FZD6: variants seen among roughly 807,000 people sequenced by gnomAD.
FZD6 encodes the protein frizzled-6.
Under a neutral mutation model 61.4 loss-of-function variants are expected in FZD6, and 49 were observed. That is an observed-to-expected ratio of 0.80 (90% CI 0.63 to 1.01). FZD6 has a LOEUF of 1.01. FZD6 is among the 50% of genes least tolerant of loss of function. The probability of loss-of-function intolerance (pLI) is 0.00; values close to 1 mark genes in which losing one functional copy is unlikely to be tolerated. For synonymous variants in FZD6, 265 were observed against 292.2 expected (o/e 0.91, Z 0.95); for missense variants, 724 against 848.2 (o/e 0.85, Z 1.82).
intron 6 of FZD6, among the ~76,000 whole-genome samples, chr8:103,330,932 C>CT (rs1439071372): frequency 6.6e-6 from 1 of 152,210 alleles, no homozygotes; most frequent in Non-Finnish European, 1.5e-5. Context: ...AATCCCAGCA[C>CT]TTTGGGAGGC....
At chr8:103,316,202 C>T (rs930748950) in intron 2 of FZD6, among the ~76,000 whole-genome samples, 11 of 152,032 alleles carry the variant, frequency 7.2e-5, no homozygotes, top group Non-Finnish European at 1.5e-4. Context: ...GTTGTATTTT[C>T]ATTTGTTTTT....
intron 4 of FZD6, among the ~76,000 whole-genome samples, chr8:103,327,208 G>T (rs982517394): frequency 7.9e-5 from 12 of 152,162 alleles, no homozygotes; most frequent in African/African-American, 2.9e-4. Flanking sequence ...AACATTATTT[G>T]CAAATGACAA....
intron 3 of FZD6, 111 bp downstream of exon 3, chr8:103,318,897 A>G: frequency 1.3e-6 from 1 of 743,330 alleles, no homozygotes; most frequent in Non-Finnish European, 2.4e-6. Flanking sequence ...TGTTTATTAC[A>G]CACTTAATAT....
rs1382236044 is a variant in FZD6, at chr8:103,300,269, C to T, written c.162C>T (p.Ala54=). ...TGGGTCATTATGACCAGAGTATTGC[C>T]GCGGTGGAAATGGAGGTGAGTAGTG... ...NLMGHYDQSI[A]AVEMEHFLPL... The change falls in exon 2 of 7, where the codon GCC becomes GCT. Residue 54 remains alanine (A), a synonymous_variant. Transcript: ENST00000358755. The T allele has an allele frequency of 3.1e-6, 5 of 1,610,056 alleles. No homozygotes were observed. Among genetic ancestry groups the T allele is most frequent in the Non-Finnish European group, 1.7e-6 (2 of 1,176,512 alleles).
Position 103,331,509 on chromosome 8 carries a change from A to T in FZD6, c.2121A>T (p.Ter707CysextTer46), listed in dbSNP as rs771707817. 4.4e-6 allele frequency: 7 copies of T among 1,604,260 alleles called. No individual in the cohort carries two copies. In the South Asian group the frequency reaches 7.7e-5, roughly 18 times the overall value. Residue 707 changes from the stop codon to cysteine, a stop_lost, in exon 7 of 7, where the codon TGA (stop) becomes TGT (cysteine). Coordinates refer to ENST00000358755, the MANE Select transcript of FZD6 (RefSeq NM_003506.4). ...GAGGTGGTTGTCATTCAGATACTTG[A>T]AGAACATTTTCTCTCGTTACTCAGA... ...EQGGGCHSDT[*>C]
chr8:103,327,412 T>C (rs1369037116), intron 4 of FZD6, among the ~76,000 whole-genome samples: 2 of 152,080 alleles, frequency 1.3e-5, no homozygotes, highest in African/African-American at 4.8e-5. Context: ...CTGGGCAACA[T>C]GGTAAAACCC....
Position 103,328,407 on chromosome 8 carries a change from G to A in FZD6, c.1532G>A (p.Arg511His), listed in dbSNP as rs767273753. ...TGGGCTGGGTTTTTTAAACGAAATC[G>A]CAAGAGAGAGTAAGAAACTATTGAA... ...TEWAGFFKRN[R>H]KRDPISESRR... is the part of the protein sequence containing the mutation. The change falls in exon 5 of 7, where the codon CGC becomes CAC. Residue 511 changes from arginine to histidine, a missense_variant. Transcript: ENST00000358755. 6.8e-6 allele frequency: 11 copies of A among 1,610,136 alleles called. No individual in the cohort carries two copies. The highest frequency in any genetic ancestry group is 2.2e-5 in the East Asian group (1 of 44,812).
chr8:103,314,611 A>G (rs1376224157), intron 2 of FZD6, among the ~76,000 whole-genome samples: 1 of 152,252 alleles, frequency 6.6e-6, no homozygotes, highest in East Asian at 1.9e-4. Context: ...GTCTCTGCTC[A>G]GTCACTTGCC....
At chr8:103,313,669 T>C (rs1403217653) in intron 2 of FZD6, among the ~76,000 whole-genome samples, 1 of 152,192 alleles carries the variant, frequency 6.6e-6, no homozygotes, top group African/African-American at 2.4e-5. Context: ...CTCAAGTCCC[T>C]TCCAAGTCTA....
chr8:103,299,253 G>A (rs1387388040), intron 1 of FZD6, among the ~76,000 whole-genome samples: 1 of 152,276 alleles, frequency 6.6e-6, no homozygotes, highest in Non-Finnish European at 1.5e-5. Flanking sequence ...CAGGTTCCCG[G>A]GTGTGGGGCG....
rs1469541628 is a variant in FZD6 at position 103,325,014 on chromosome 8, T to C, written c.908T>C (p.Leu303Pro). Residue 303 changes from leucine to proline, a missense_variant, in exon 4 of 7, where the codon CTT (leucine) becomes CCT (proline). By Grantham distance (98) the Leu-to-Pro change is moderately conservative. Transcript: ENST00000358755. ...TMAGTVWWVILTITWFLAAGR... is the reference protein window; with the variant it reads ...TMAGTVWWVIPTITWFLAAGR... ...GCTGGCACTGTGTGGTGGGTGATTC[T>C]TACCATTACTTGGTTCTTAGCTGCA... 2 of 1,614,032 alleles carry C rather than the reference T, an allele frequency of 1.2e-6. No homozygotes were observed. The highest frequency in any genetic ancestry group is 2.7e-5 in the African/African-American group (2 of 74,948).
chr8:103,306,157 A>T (rs1814324617), intron 2 of FZD6, among the ~76,000 whole-genome samples: 1 of 152,210 alleles, frequency 6.6e-6, no homozygotes, highest in Non-Finnish European at 1.5e-5. Context: ...TGGAGAAATG[A>T]TTTAAATTTT....
chr8:103,312,634 G>C (rs765973863), intron 2 of FZD6, among the ~76,000 whole-genome samples: 6 of 152,162 alleles, frequency 3.9e-5, no homozygotes, highest in Non-Finnish European at 5.9e-5. Context: ...TTTTGAGGAA[G>C]AACATAAAAC....
intron 3 of FZD6, among the ~76,000 whole-genome samples, chr8:103,321,983 G>T (rs2130320322): frequency 6.6e-6 from 1 of 152,058 alleles, no homozygotes; most frequent in South Asian, 2.1e-4. Context: ...CTCCTCAAAG[G>T]TATAGCTGCC....
chr8:103,326,963 T>C (rs1055692736), intron 4 of FZD6, among the ~76,000 whole-genome samples: 4 of 152,224 alleles, frequency 2.6e-5, no homozygotes, highest in East Asian at 1.9e-4. Context: ...TATATTTCCA[T>C]GTATGATACG....
At chr8:103,324,402 A>G (rs1340152000) in intron 3 of FZD6, 79 bp from the exon 4 acceptor site, 4 of 752,094 alleles carry the variant, frequency 5.3e-6, no homozygotes, top group East Asian at 2.7e-5. Context: ...GTAATATTTT[A>G]TAGTTGGAAA....
At chr8:103,323,750 A>C (rs1178559297) in intron 3 of FZD6, among the ~76,000 whole-genome samples, 1 of 152,114 alleles carries the variant, frequency 6.6e-6, no homozygotes, top group African/African-American at 2.4e-5. Flanking sequence ...AATACTTTTT[A>C]AACCATTATA....
intron 4 of FZD6, among the ~76,000 whole-genome samples, chr8:103,327,268 T>TTCAC (rs1247360900): frequency 1.3e-5 from 2 of 152,342 alleles, no homozygotes; most frequent in East Asian, 3.9e-4. Context: ...TAAGTTATGG[T>TTCAC]TCACTCACAC....
At chr8:103,318,473 A>G in intron 2 of FZD6, 117 bp from the exon 3 acceptor site, 1 of 700,298 alleles carries the variant, frequency 1.4e-6, no homozygotes, top group Non-Finnish European at 2.6e-6. Flanking sequence ...ATAGAGGGAG[A>G]TTTAAAGATT....
Sources: allele counts gnomAD v4.1 joint callset (sites outside exome capture counted in the v4.1 genomes callset), GRCh38; gene constraint gnomAD v4.1.1; transcripts MANE v1.5; gene names NCBI Gene and HGNC (gene_info 2026-07-23, HGNC 2026-07-21).